The following MZT2B variants were observed in gnomAD, a reference collection of about 807,000 sequenced individuals.
MZT2B encodes the protein mitotic-spindle organizing protein 2B.
A neutral mutation model predicts 12.1 loss-of-function variants in MZT2B; 11 were observed. That is an observed-to-expected ratio of 0.91 (90% confidence interval 0.57 to 1.50). The LOEUF is 1.50. Among genes scored for constraint, MZT2B ranks in the 40% most tolerant of loss-of-function variants. The pLI is 0.00. For synonymous variants in MZT2B, 85 were observed against 109.5 expected (o/e 0.78, Z 1.40); for missense variants, 209 against 227.7 (o/e 0.92, Z 0.53).
upstream of MZT2B, chr2:130,181,908 C>T: frequency 1.4e-6 from 2 of 1,473,508 alleles, no homozygotes; most frequent in Admixed American, 2.1e-5. Context: ...TGCACCGGTG[C>T]GGACCAGAAA....
chr2:130,182,138 G>A (rs974116130), upstream of MZT2B: 17 of 1,257,470 alleles, frequency 1.4e-5, no homozygotes, highest in South Asian at 2.3e-4. Flanking sequence ...CAATGACGCC[G>A]CGGAGGCGGC....
chr2:130,190,144 G>T (rs1260753084), intron 2 of MZT2B, among the ~76,000 whole-genome samples: 1 of 152,216 alleles, frequency 6.6e-6, no homozygotes, highest in African/African-American at 2.4e-5. Flanking sequence ...ACCAGGCTAG[G>T]TGTGGACCAG....
intron 1 of MZT2B, 63 bp downstream of exon 1, chr2:130,182,515 A>C: frequency 6.5e-7 from 1 of 1,541,874 alleles, no homozygotes; most frequent in South Asian, 1.2e-5. Context: ...CTTTCCGGGT[A>C]CGCCCGGCCC....
At chr2:130,190,098 C>T (rs181042437) in intron 2 of MZT2B, among the ~76,000 whole-genome samples, 104 of 152,302 alleles carry the variant, frequency 6.8e-4, no homozygotes, top group Middle Eastern at 3.4e-3. Context: ...CTGCTGCCGC[C>T]GCTGATGGCA....
chr2:130,183,864 T>C (rs1400951538), intron 2 of MZT2B: 3 of 1,550,508 alleles, frequency 1.9e-6, no homozygotes, highest in Non-Finnish European at 2.6e-6. Flanking sequence ...GCCTGCGGCC[T>C]CTCCGGTTCT....
chr2:130,191,852 A>T (rs752908524), downstream of MZT2B: 2 of 1,608,436 alleles, frequency 1.2e-6, no homozygotes, highest in Non-Finnish European at 1.7e-6. Flanking sequence ...CGCCTTCTTC[A>T]GCCTCAGCTT....
chr2:130,200,166 C>T, the MZT2B span, among the ~76,000 whole-genome samples: 2 of 151,480 alleles, frequency 1.3e-5, no homozygotes, highest in Non-Finnish European at 1.5e-5. Flanking sequence ...CCAAGTCAGG[C>T]GGATCGCGAG....
At chr2:130,191,677 G>A (rs1690262061), downstream of MZT2B, 3 of 1,373,920 alleles carry the variant, frequency 2.2e-6, no homozygotes, top group Non-Finnish European at 1.9e-6. Flanking sequence ...CCCCACCGCT[G>A]TCCATGCAGG....
chr2:130,185,672 C>T (rs1001412457), intron 2 of MZT2B, among the ~76,000 whole-genome samples: 4 of 16,678 alleles, frequency 2.4e-4, no homozygotes, highest in African/African-American at 4.7e-4. Flanking sequence ...GCTGGTAGGC[C>T]GGGGGCGGGA....
At chr2:130,193,954 G>A (rs753768368), downstream of MZT2B, 23 of 1,614,220 alleles carry the variant, frequency 1.4e-5, no homozygotes, top group East Asian at 4.5e-5. Flanking sequence ...TGGCTGGCTC[G>A]AAGCAGGCAT....
chr2:130,190,984 CT>C (rs757229990), downstream of MZT2B, among the ~76,000 whole-genome samples: 1 of 152,204 alleles, frequency 6.6e-6, no homozygotes. Flanking sequence ...GAGTCTTGCT[CT>C]GTCACCCAAG....
chr2:130,195,167 T>C, downstream of MZT2B: 1 of 1,613,982 alleles, frequency 6.2e-7, no homozygotes, highest in Non-Finnish European at 8.5e-7. Flanking sequence ...TGCATCTTCC[T>C]TCCCGGTGAT....
chr2:130,182,498 ACCTCT>A, intron 1 of MZT2B, 46 bp downstream of exon 1: 1 of 1,540,298 alleles, frequency 6.5e-7, no homozygotes, highest in Non-Finnish European at 8.8e-7. Context: ...ACACCCCCCG[ACCTCT>A]GCTTTCCGGG....
intron 2 of MZT2B, chr2:130,184,064 G>A: frequency 6.5e-7 from 1 of 1,549,890 alleles, no homozygotes; most frequent in Non-Finnish European, 8.7e-7. Flanking sequence ...GAGCTCCAAG[G>A]GCAGGACCAT....
At position 130,184,934 on chromosome 2, in the gene MZT2B, G is replaced by A. The variant is rs1037830347; in HGVS notation, c.319+2159G>A. ...AATCCCAGCACTTTGGGAAGTCAAG[G>A]CAGGTGGATCCCTTGAGCTCAGGAG... On this transcript the variant is annotated intron_variant, in intron 2 of 2. Coordinates refer to ENST00000281871, the MANE Select transcript of MZT2B (RefSeq NM_025029.5). The A allele has an allele frequency of 3.1e-6, 3 of 970,240 alleles. No individual in the cohort carries two copies. In the African/African-American group the frequency reaches 5.3e-5, roughly 17 times the overall value. 60.1% of individuals were successfully genotyped at this position (970,240 alleles called of 1,614,324 possible).
chr2:130,191,478 TAAAGAAGCCCG>T (rs2104745079), downstream of MZT2B, among the ~76,000 whole-genome samples: 1 of 152,322 alleles, frequency 6.6e-6, no homozygotes, highest in East Asian at 1.9e-4. Context: ...GACCCATCAA[TAAAGAAGCCCG>T]AAAAATCACA....
chr2:130,185,310 C>CAA (rs34780324), intron 2 of MZT2B, among the ~76,000 whole-genome samples: 43,959 of 116,326 alleles, frequency 0.38, 8,041 homozygotes, highest in East Asian at 0.47. Flanking sequence ...GACTCCGTCT[C>CAA]AAAAAAAAAA....
the MZT2B span, among the ~76,000 whole-genome samples, chr2:130,203,325 T>C: frequency 0.11 from 16,177 of 146,552 alleles, no homozygotes; most frequent in African/African-American, 0.34. Context: ...TCACAGTGAC[T>C]CTGAGCTGGA....
chr2:130,192,269 C>T (rs1690282779), downstream of MZT2B: 2 of 1,292,708 alleles, frequency 1.5e-6, no homozygotes, highest in African/African-American at 1.5e-5. Context: ...AAGCCCTTCT[C>T]TGCACCAGGC....
Sources: allele counts gnomAD v4.1 joint callset (sites outside exome capture counted in the v4.1 genomes callset), GRCh38; gene constraint gnomAD v4.1.1; transcripts MANE v1.5; gene names NCBI Gene and HGNC (gene_info 2026-07-23, HGNC 2026-07-21).